TGFBR3: variants seen among roughly 807,000 people sequenced by gnomAD.
TGFBR3 encodes the protein transforming growth factor beta receptor type 3.
Under a neutral mutation model 87.9 loss-of-function variants are expected in TGFBR3, and 46 were observed. The observed-to-expected ratio is 0.52, with a 90% CI of 0.41 to 0.67. TGFBR3 has a LOEUF of 0.67. Among genes scored for constraint, TGFBR3 ranks in the 30% least tolerant of loss-of-function variants. The pLI, the probability that TGFBR3 is intolerant of heterozygous loss-of-function variation, is 0.00. For missense variants in TGFBR3, 866 were observed against 1,041.9 expected (o/e 0.83, Z 2.32); for synonymous variants, 381 against 391.6 (o/e 0.97, Z 0.32).
At chr1:91,868,492 T>C (rs1678462614) in intron 1 of TGFBR3, among the ~76,000 whole-genome samples, 1 of 152,138 alleles carries the variant, frequency 6.6e-6, no homozygotes, top group Non-Finnish European at 1.5e-5. Context: ...GGTGAAGCCA[T>C]TGCCTCAACA....
intron 16 of TGFBR3, among the ~76,000 whole-genome samples, chr1:91,685,413 C>A (rs754463100): frequency 4.0e-5 from 6 of 151,430 alleles, no homozygotes; most frequent in African/African-American, 1.2e-4. Context: ...ACCTCCACCC[C>A]CCGGGTTCAA....
chr1:91,864,968 C>T (rs764112158), intron 1 of TGFBR3, among the ~76,000 whole-genome samples: 6 of 151,894 alleles, frequency 4.0e-5, no homozygotes, highest in African/African-American at 7.3e-5. Flanking sequence ...TTTGGGAGGC[C>T]GAGCTGGGCA....
chr1:91,905,806 GC>G (rs1038576117), intron 1 of TGFBR3: 33 of 152,142 alleles, frequency 2.2e-4, no homozygotes, highest in African/African-American at 8.0e-4. Flanking sequence ...ATTAGCTTAA[GC>G]AAAAAAGAAG....
At chr1:91,725,747 G>T (rs1240444060) in intron 7 of TGFBR3, among the ~76,000 whole-genome samples, 2 of 152,196 alleles carry the variant, frequency 1.3e-5, no homozygotes, top group South Asian at 2.1e-4. Context: ...CATCTACTAG[G>T]AGTAGTAATT....
intron 6 of TGFBR3, among the ~76,000 whole-genome samples, chr1:91,729,432 T>A (rs1268650279): frequency 6.6e-6 from 1 of 152,180 alleles, no homozygotes; most frequent in Non-Finnish European, 1.5e-5. Context: ...ATTTTGTAAT[T>A]TTCCTATCAG....
chr1:91,771,368 G>A (rs1342422418), intron 3 of TGFBR3, among the ~76,000 whole-genome samples: 2 of 152,122 alleles, frequency 1.3e-5, no homozygotes, highest in East Asian at 1.9e-4. Context: ...TTAGGAAGTT[G>A]AGGATGAAGC....
intron 7 of TGFBR3, 86 bp from the exon 8 acceptor site, chr1:91,722,230 A>G: frequency 9.1e-7 from 1 of 1,097,232 alleles, no homozygotes; most frequent in Non-Finnish European, 1.3e-6. Flanking sequence ...AAATAAGTAG[A>G]TTCTATATTG....
At chr1:91,777,004 C>T (rs1229168274) in intron 3 of TGFBR3, among the ~76,000 whole-genome samples, 1 of 152,158 alleles carries the variant, frequency 6.6e-6, no homozygotes, top group Non-Finnish European at 1.5e-5. Context: ...ACCCCAACAC[C>T]ACATCTACTC....
intron 16 of TGFBR3, among the ~76,000 whole-genome samples, chr1:91,685,362 C>G (rs1475773261): frequency 7.0e-6 from 1 of 143,174 alleles, no homozygotes; most frequent in Non-Finnish European, 1.5e-5. Context: ...TCGCTCTGTC[C>G]CCTAGGATGG....
intron 16 of TGFBR3, among the ~76,000 whole-genome samples, chr1:91,691,463 G>C (rs1369690127): frequency 3.9e-5 from 6 of 152,210 alleles, no homozygotes; most frequent in African/African-American, 1.4e-4. Context: ...AGACAATGAG[G>C]AGGGCTTTCA....
At position 91,692,767 on chromosome 1, in the gene TGFBR3, G is replaced by A. The variant is rs573522020; in HGVS notation, c.2437+2905C>T. On this transcript the variant is annotated intron_variant, in intron 16 of 16. Transcript: ENST00000212355. The stretch of plus-strand genomic sequence containing the variant: ...GTGCCCAGAGTTGTCATATGATAAA[G>A]TGGGAACCCAGTCTTTGTAGAGTAA... Among the ~76,000 whole-genome samples the A allele has an allele frequency of 3.9e-5, 6 of 152,326 alleles. No individual in the cohort carries two copies. In the East Asian group the frequency reaches 5.8e-4, roughly 15 times the overall value.
intron 1 of TGFBR3, among the ~76,000 whole-genome samples, chr1:91,876,584 C>T (rs567517829): frequency 3.3e-5 from 5 of 152,122 alleles, no homozygotes; most frequent in Non-Finnish European, 7.3e-5. Flanking sequence ...ATAACAAAAA[C>T]CATAGCACCA....
intron 16 of TGFBR3, among the ~76,000 whole-genome samples, chr1:91,684,343 G>C (rs889881199): frequency 6.6e-6 from 1 of 152,228 alleles, no homozygotes; most frequent in East Asian, 1.9e-4. Flanking sequence ...GTTAAAAACA[G>C]GAGTGAAATA....
chr1:91,870,182 A>G (rs1157698831), intron 1 of TGFBR3, among the ~76,000 whole-genome samples: 3 of 152,254 alleles, frequency 2.0e-5, no homozygotes, highest in Non-Finnish European at 4.4e-5. Context: ...TAACCATTTT[A>G]TCACAATCTG....
At chr1:91,687,110 C>T (rs1468356616) in intron 16 of TGFBR3, among the ~76,000 whole-genome samples, 1 of 152,166 alleles carries the variant, frequency 6.6e-6, no homozygotes, top group Admixed American at 6.5e-5. Context: ...GGATTAATTC[C>T]ACCCATCTCA....
intron 1 of TGFBR3, among the ~76,000 whole-genome samples, chr1:91,878,472 G>A (rs12026798): frequency 0.26 from 39,787 of 152,030 alleles, 5,712 homozygotes; most frequent in Non-Finnish European, 0.31. Flanking sequence ...CTTGCCAGAT[G>A]GAATTAAGTA....
chr1:91,865,426 A>T (rs545803653), intron 1 of TGFBR3, among the ~76,000 whole-genome samples: 1 of 152,206 alleles, frequency 6.6e-6, no homozygotes, highest in South Asian at 2.1e-4. Context: ...CATTGTGCAC[A>T]TGTACCCTAG....
chr1:91,849,229 T>G, intron 2 of TGFBR3, among the ~76,000 whole-genome samples: 1 of 152,154 alleles, frequency 6.6e-6, no homozygotes, highest in East Asian at 1.9e-4. Context: ...TCAGATCATA[T>G]CATTCTTCTG....
At chr1:91,785,658 G>A (rs61781087) in intron 3 of TGFBR3, among the ~76,000 whole-genome samples, 3 of 151,854 alleles carry the variant, frequency 2.0e-5, no homozygotes, top group African/African-American at 7.3e-5. Flanking sequence ...CCATCCCTTG[G>A]CTCAACAACA....
Sources: allele counts gnomAD v4.1 joint callset (sites outside exome capture counted in the v4.1 genomes callset), GRCh38; gene constraint gnomAD v4.1.1; transcripts MANE v1.5; gene names NCBI Gene and HGNC (gene_info 2026-07-23, HGNC 2026-07-21).